Variants in DCDC2 observed in about 807,000 individuals in gnomAD.
DCDC2 encodes the protein doublecortin domain containing 2.
DCDC2 carries 40 observed loss-of-function variants against 50.2 expected under a neutral mutation model. The ratio of observed to expected loss-of-function variants is 0.80; its 90% CI spans 0.62 to 1.04. The LOEUF (loss-of-function observed/expected upper bound fraction) is 1.04, where lower values mean the gene tolerates loss of function less well. DCDC2 is among the 50% of genes least tolerant of loss of function. The pLI is 0.00. For synonymous variants in DCDC2, 234 were observed against 210.6 expected, an observed-to-expected ratio of 1.11 and a Z score of -0.96; for missense variants, 570 against 581.9, an observed-to-expected ratio of 0.98 and a Z score of 0.21.
At chr6:24,232,802 G>A (rs1762364690) in intron 7 of DCDC2, among the ~76,000 whole-genome samples, 1 of 151,740 alleles carries the variant, frequency 6.6e-6, no homozygotes, top group South Asian at 2.1e-4. Context: ...ATAAAGGTGA[G>A]TGAATGAATT....
At chr6:24,268,591 A>G (rs968457134) in intron 7 of DCDC2, among the ~76,000 whole-genome samples, 3 of 152,096 alleles carry the variant, frequency 2.0e-5, no homozygotes, top group Non-Finnish European at 4.4e-5. Context: ...TCAGCTTAAC[A>G]CCATCCAGAA....
intron 7 of DCDC2, among the ~76,000 whole-genome samples, chr6:24,273,645 G>A (rs12216513): frequency 0.53 from 80,385 of 152,118 alleles, 25,368 homozygotes; most frequent in East Asian, 0.78. Flanking sequence ...ATGTGCTTCC[G>A]GTTTTGTCTT....
intron 1 of DCDC2, among the ~76,000 whole-genome samples, chr6:24,356,303 G>C (rs1261702189): frequency 6.6e-6 from 1 of 152,208 alleles, no homozygotes; most frequent in Admixed American, 6.5e-5. Flanking sequence ...AAATAAGCCA[G>C]ACATAAAGAC....
chr6:24,284,744 C>T (rs766300067), intron 6 of DCDC2, among the ~76,000 whole-genome samples: 6 of 152,104 alleles, frequency 3.9e-5, no homozygotes, highest in Admixed American at 1.3e-4. Flanking sequence ...GCCTGCCTCT[C>T]CGATTTCATT....
At chr6:24,204,777 A>G (rs912940564) in intron 8 of DCDC2, among the ~76,000 whole-genome samples, 1 of 152,124 alleles carries the variant, frequency 6.6e-6, no homozygotes, top group African/African-American at 2.4e-5. Flanking sequence ...TTAAGGAAAT[A>G]CCATTTGCTG....
intron 7 of DCDC2, among the ~76,000 whole-genome samples, chr6:24,243,925 T>C (rs1581607726): frequency 6.6e-6 from 1 of 152,228 alleles, no homozygotes; most frequent in African/African-American, 2.4e-5. Context: ...TACCATCTGA[T>C]CTGCTTCACG....
chr6:24,210,595 C>T (rs543105675), intron 7 of DCDC2, among the ~76,000 whole-genome samples: 7 of 152,304 alleles, frequency 4.6e-5, no homozygotes, highest in African/African-American at 1.7e-4. Flanking sequence ...ATCTCCACTC[C>T]CAACTTGGTC....
chr6:24,296,850 T>C (rs748341489), intron 4 of DCDC2, among the ~76,000 whole-genome samples: 2 of 152,208 alleles, frequency 1.3e-5, no homozygotes, highest in African/African-American at 2.4e-5. Context: ...AGAGAATGCT[T>C]ATACACTACT....
intron 8 of DCDC2, among the ~76,000 whole-genome samples, chr6:24,195,553 A>C (rs1209373431): frequency 6.6e-6 from 1 of 152,180 alleles, no homozygotes; most frequent in African/African-American, 2.4e-5. Flanking sequence ...GTCCCAGAAC[A>C]GAGTTTCCCA....
chr6:24,206,948 G>T (rs1480904484), intron 7 of DCDC2, among the ~76,000 whole-genome samples: 2 of 152,044 alleles, frequency 1.3e-5, no homozygotes, highest in Non-Finnish European at 2.9e-5. Context: ...CACAGAGCAA[G>T]AAATGAAGAT....
intron 4 of DCDC2, among the ~76,000 whole-genome samples, chr6:24,300,527 T>C (rs1458948462): frequency 1.3e-5 from 2 of 152,244 alleles, no homozygotes; most frequent in Non-Finnish European, 2.9e-5. Context: ...TTTGAATTTT[T>C]TGCCACATGT....
At chr6:24,299,858 G>A (rs1303949559) in intron 4 of DCDC2, among the ~76,000 whole-genome samples, 3 of 151,934 alleles carry the variant, frequency 2.0e-5, no homozygotes, top group African/African-American at 7.3e-5. Flanking sequence ...GGTGGAGGTT[G>A]CAGTGAGCCA....
chr6:24,286,260 C>T (rs3789225), intron 6 of DCDC2, among the ~76,000 whole-genome samples: 18,440 of 152,056 alleles, frequency 0.12, 1,138 homozygotes, highest in East Asian at 0.17. Flanking sequence ...AGTGATGCTA[C>T]GTCTGCTGTT....
chr6:24,261,898 A>G (rs1763018639), intron 7 of DCDC2, among the ~76,000 whole-genome samples: 1 of 152,172 alleles, frequency 6.6e-6, no homozygotes, highest in Non-Finnish European at 1.5e-5. Flanking sequence ...CAAAAATTCT[A>G]TGTCAGGAAA....
chr6:24,355,711 A>G (rs918196309), intron 1 of DCDC2, among the ~76,000 whole-genome samples: 3 of 152,216 alleles, frequency 2.0e-5, no homozygotes, highest in Non-Finnish European at 4.4e-5. Flanking sequence ...AAGCATGCTT[A>G]AGAAGCTTCA....
intron 9 of DCDC2, among the ~76,000 whole-genome samples, chr6:24,177,295 T>C (rs1760944757): frequency 6.6e-6 from 1 of 152,256 alleles, no homozygotes; most frequent in Non-Finnish European, 1.5e-5. Flanking sequence ...TAAGAACATT[T>C]TGAATAACTC....
At chr6:24,225,977 AGTCT>A (rs1035236058) in intron 7 of DCDC2, among the ~76,000 whole-genome samples, 1 of 152,226 alleles carries the variant, frequency 6.6e-6, no homozygotes, top group African/African-American at 2.4e-5. Context: ...TTAGCCTACA[AGTCT>A]GTCTCCTACC....
chr6:24,370,544 C>T, the DCDC2 span, among the ~76,000 whole-genome samples: 2 of 151,932 alleles, frequency 1.3e-5, no homozygotes, highest in African/African-American at 4.8e-5. Context: ...CCCATCCCTA[C>T]AAAAAATACA....
intron 2 of DCDC2, among the ~76,000 whole-genome samples, chr6:24,307,127 T>C (rs1331409056): frequency 1.3e-5 from 2 of 152,130 alleles, no homozygotes; most frequent in African/African-American, 4.8e-5. Flanking sequence ...GGATGCTCCA[T>C]GAACTAATTA....
Sources: allele counts gnomAD v4.1 joint callset (sites outside exome capture counted in the v4.1 genomes callset), GRCh38; gene constraint gnomAD v4.1.1; transcripts MANE v1.5; gene names NCBI Gene and HGNC (gene_info 2026-07-23, HGNC 2026-07-21).